Variants in MIGA1 observed in about 807,000 individuals in gnomAD.
MIGA1 encodes mitoguardin 1, also known as family with sequence similarity 73, member A.
In MIGA1, 58 loss-of-function variants were observed where a neutral mutation model predicts 82.0. The ratio of observed to expected loss-of-function variants is 0.71; its 90% CI spans 0.57 to 0.88. The LOEUF (loss-of-function observed/expected upper bound fraction) is 0.88, where lower values mean the gene tolerates loss of function less well. Ranked by LOEUF, MIGA1 falls within the 40% of genes least tolerant of loss-of-function variation. The pLI is 0.00. For missense variants in MIGA1, 751 were observed against 749.1 expected (o/e 1.00, Z -0.03); for synonymous variants, 249 against 253.6 (o/e 0.98, Z 0.17).
At chr1:77,814,242 A>AACTG (rs1009961475) in intron 6 of MIGA1, among the ~76,000 whole-genome samples, 77 of 152,176 alleles carry the variant, frequency 5.1e-4, no homozygotes, top group African/African-American at 1.8e-3. Context: ...CATTTAATAG[A>AACTG]ACTGTTTTTT....
intron 8 of MIGA1, among the ~76,000 whole-genome samples, chr1:77,851,374 C>T (rs1052892081): frequency 6.6e-6 from 1 of 151,910 alleles, no homozygotes; most frequent in Admixed American, 6.6e-5. Flanking sequence ...AAAAAAGACC[C>T]CCTTTTAATA....
chr1:77,821,454 GATCTC>G (rs1430881431), intron 7 of MIGA1, among the ~76,000 whole-genome samples: 2 of 149,778 alleles, frequency 1.3e-5, no homozygotes, highest in South Asian at 2.1e-4. Flanking sequence ...ACAATGGTAC[GATCTC>G]ATCTCAGCTC....
chr1:77,787,704 T>G (rs1488850125), intron 2 of MIGA1, among the ~76,000 whole-genome samples: 1 of 152,212 alleles, frequency 6.6e-6, no homozygotes, highest in Non-Finnish European at 1.5e-5. Context: ...TGCCCATTTT[T>G]GAAATTGTTT....
chr1:77,808,804 T>C (rs1570943525), intron 5 of MIGA1, among the ~76,000 whole-genome samples: 1 of 152,328 alleles, frequency 6.6e-6, no homozygotes, highest in Non-Finnish European at 1.5e-5. Flanking sequence ...AATGCATTCC[T>C]ACTCTCTAGA....
intron 7 of MIGA1, among the ~76,000 whole-genome samples, chr1:77,842,059 T>A (rs1458101320): frequency 6.6e-6 from 1 of 151,822 alleles, no homozygotes; most frequent in Non-Finnish European, 1.5e-5. Context: ...CGGGGATGAT[T>A]ACAGGCATGA....
chr1:77,878,503 C>T lies in MIGA1; in HGVS notation c.*3439C>T, dbSNP rs1646911997. ...TCTTTAAAAATGATTAGTTTAGAGC[C>T]TTTTAGGGTAAACCCTGTTTAAACA... is the stretch of plus-strand genomic sequence containing the variant. On this transcript the variant is annotated 3_prime_UTR_variant, in exon 16 of 16. Coordinates refer to ENST00000370791, the MANE Select transcript of MIGA1 (RefSeq NM_198549.4). 5.1e-6 allele frequency: 1 copy of T among 196,236 alleles called. No homozygotes were observed. The highest frequency in any genetic ancestry group is 1.0e-5 in the Non-Finnish European group (1 of 98,428). 12.2% of individuals were successfully genotyped at this position (196,236 alleles called of 1,614,324 possible).
At chr1:77,830,427 A>G (rs999013407) in intron 7 of MIGA1, among the ~76,000 whole-genome samples, 1 of 152,196 alleles carries the variant, frequency 6.6e-6, no homozygotes, top group African/African-American at 2.4e-5. Flanking sequence ...GCATTTGAAT[A>G]TTAACAACTC....
intron 4 of MIGA1, among the ~76,000 whole-genome samples, chr1:77,804,863 G>T (rs1683028409): frequency 6.6e-6 from 1 of 151,982 alleles, no homozygotes; most frequent in Non-Finnish European, 1.5e-5. Flanking sequence ...TCCTGACCTG[G>T]TGATCTGCCT....
At chr1:77,790,635 G>A (rs1277686733) in intron 2 of MIGA1, among the ~76,000 whole-genome samples, 1 of 150,228 alleles carries the variant, frequency 6.7e-6, no homozygotes, top group African/African-American at 2.5e-5. Flanking sequence ...GCCCAGGTAG[G>A]AGTGCAATGG....
chr1:77,823,222 T>C (rs1683897070), intron 7 of MIGA1, among the ~76,000 whole-genome samples: 1 of 152,210 alleles, frequency 6.6e-6, no homozygotes, highest in African/African-American at 2.4e-5. Context: ...CCTTTTTTTT[T>C]TTAAATAGCA....
At chr1:77,783,566 T>G (rs1424792164) in intron 2 of MIGA1, among the ~76,000 whole-genome samples, 1 of 152,216 alleles carries the variant, frequency 6.6e-6, no homozygotes, top group African/African-American at 2.4e-5. Flanking sequence ...TTAAAAATTT[T>G]TTTCTGTCTT....
At chr1:77,799,173 A>T (rs1187639281) in intron 2 of MIGA1, among the ~76,000 whole-genome samples, 1 of 151,846 alleles carries the variant, frequency 6.6e-6, no homozygotes, top group Admixed American at 6.6e-5. Context: ...ATTTTTTGTG[A>T]TGTCTTTGTC....
At chr1:77,809,904 T>TA (rs903450629) in intron 5 of MIGA1, among the ~76,000 whole-genome samples, 11 of 150,218 alleles carry the variant, frequency 7.3e-5, no homozygotes, top group Admixed American at 1.3e-4. Context: ...TCTACCTATA[T>TA]AAAAAAAATA....
chr1:77,830,599 C>G (rs930655934), intron 7 of MIGA1, among the ~76,000 whole-genome samples: 1 of 152,136 alleles, frequency 6.6e-6, no homozygotes, highest in African/African-American at 2.4e-5. Flanking sequence ...TCCCCGCAAC[C>G]CTGCCCTATC....
rs532099547 is a variant in MIGA1, at chr1:77,782,246, T to A, written c.82-992T>A. Among the ~76,000 whole-genome samples the A allele has an allele frequency of 3.3e-5, 5 of 152,226 alleles. No homozygotes were observed. In the South Asian group the frequency reaches 1.0e-3, roughly 32 times the overall value. ...ATAATAAATTTGGTAGACATAAACA[T>A]TGTGGTTATTAGAGAAGCCCATTCT... On this transcript the variant is annotated intron_variant, in intron 1 of 15. Coordinates refer to ENST00000370791, the MANE Select transcript of MIGA1 (RefSeq NM_198549.4).
At chr1:77,811,248 C>G (rs1439343755) in intron 5 of MIGA1, 2 of 1,576,524 alleles carry the variant, frequency 1.3e-6, no homozygotes, top group African/African-American at 1.3e-5. Flanking sequence ...CAGCATCTTT[C>G]AAACCAATTT....
chr1:77,872,364 G>A (rs1646853214), intron 14 of MIGA1, among the ~76,000 whole-genome samples: 1 of 152,152 alleles, frequency 6.6e-6, no homozygotes, highest in Admixed American at 6.5e-5. Flanking sequence ...ACTTTGGGAG[G>A]CAAAGTAGGG....
chr1:77,868,736 T>C (rs1351821494), intron 14 of MIGA1: 4 of 152,220 alleles, frequency 2.6e-5, no homozygotes, highest in Non-Finnish European at 5.9e-5. Flanking sequence ...CAAGTCTGTA[T>C]GGTATTTAGA....
rs1682735917 is a variant in MIGA1 at position 77,798,167 on chromosome 1, A to C, written c.196-3164A>C. On this transcript the variant is annotated intron_variant, in intron 2 of 15. Transcript: ENST00000370791. Reference sequence around the variant, plus strand: ...TACTACAAACTTGGTGACTTACAACAATAGAAATTTAATTTTTTAATTATG... The same window carrying C: ...TACTACAAACTTGGTGACTTACAACCATAGAAATTTAATTTTTTAATTATG... Among the ~76,000 whole-genome samples, 2 of 152,214 alleles carry C rather than the reference A, an allele frequency of 1.3e-5. 1 individual carries two copies.
Sources: gnomAD v4.1 joint callset for allele counts (sites outside exome capture counted in the v4.1 genomes callset) on GRCh38, gnomAD v4.1.1 for gene constraint, MANE v1.5 for transcripts, NCBI Gene and HGNC (gene_info 2026-07-23, HGNC 2026-07-21) for gene names.